The following CHL1 variants were observed in gnomAD, a reference collection of about 807,000 sequenced individuals.
The protein encoded by CHL1 is cell adhesion molecule L1 like, also known as neural cell adhesion molecule L1-like protein.
CHL1 carries 96 observed loss-of-function variants against 141.9 expected under a neutral mutation model. The ratio of observed to expected loss-of-function variants is 0.68; its 90% CI spans 0.57 to 0.80. CHL1 has a LOEUF of 0.80. Among genes scored for constraint, CHL1 ranks in the 30% least tolerant of loss-of-function variants. The probability of loss-of-function intolerance (pLI) is 0.00; values close to 1 mark genes in which losing one functional copy is unlikely to be tolerated. For missense variants in CHL1, 1,820 were observed against 1,457.2 expected (o/e 1.25, Z -4.05); for synonymous variants, 613 against 502.2 (o/e 1.22, Z -2.95).
intron 15 of CHL1, among the ~76,000 whole-genome samples, chr3:368,495 C>T (rs1406928227): frequency 2.0e-5 from 3 of 152,054 alleles, no homozygotes; most frequent in Admixed American, 6.5e-5. Context: ...GAATATTAGA[C>T]CTTTGTCAGA....
chr3:365,465 C>G (rs1268895309), intron 14 of CHL1, among the ~76,000 whole-genome samples: 4 of 152,208 alleles, frequency 2.6e-5, no homozygotes, highest in Non-Finnish European at 2.9e-5. Context: ...ACAGGCCCTA[C>G]TTCCCTGAGG....
chr3:388,177 A>G (rs897684164), intron 19 of CHL1, among the ~76,000 whole-genome samples: 1 of 152,272 alleles, frequency 6.6e-6, no homozygotes, highest in East Asian at 1.9e-4. Context: ...GGCAGTTTAA[A>G]CCACATTATT....
At chr3:220,311 C>T (rs1021769539) in intron 1 of CHL1, among the ~76,000 whole-genome samples, 1 of 152,074 alleles carries the variant, frequency 6.6e-6, no homozygotes, top group Non-Finnish European at 1.5e-5. Context: ...TGATTTTAAA[C>T]ATTACAGTGA....
chr3:287,519 C>A (rs760189402), intron 2 of CHL1, among the ~76,000 whole-genome samples: 1 of 152,154 alleles, frequency 6.6e-6, no homozygotes, highest in Non-Finnish European at 1.5e-5. Context: ...GATTGAGATA[C>A]CTCCTTATAA....
intron 10 of CHL1, among the ~76,000 whole-genome samples, chr3:353,130 T>G (rs1356733635): frequency 6.6e-6 from 1 of 152,186 alleles, no homozygotes; most frequent in Non-Finnish European, 1.5e-5. Context: ...AATACTAATA[T>G]TACTAATAGT....
chr3:225,889 G>C (rs913326988), intron 1 of CHL1, among the ~76,000 whole-genome samples: 1 of 151,686 alleles, frequency 6.6e-6, no homozygotes, highest in East Asian at 2.0e-4. Context: ...GGCACCTGTA[G>C]TCCCAGCTAC....
chr3:293,240 G>A (rs1441764494), intron 2 of CHL1, among the ~76,000 whole-genome samples: 1 of 152,176 alleles, frequency 6.6e-6, no homozygotes, highest in Non-Finnish European at 1.5e-5. Flanking sequence ...AGCGGCTCAT[G>A]CTTGTAATCC....
intron 2 of CHL1, among the ~76,000 whole-genome samples, chr3:316,059 C>T (rs1473804392): frequency 6.6e-6 from 1 of 151,950 alleles, no homozygotes; most frequent in Admixed American, 6.6e-5. Flanking sequence ...GCAGAAAAGG[C>T]TTGCCACCCT....
chr3:370,792 T>C (rs1238290874), intron 15 of CHL1, among the ~76,000 whole-genome samples: 1 of 152,222 alleles, frequency 6.6e-6, no homozygotes, highest in Non-Finnish European at 1.5e-5. Context: ...TCCCACAGAC[T>C]CTGATACATT....
intron 2 of CHL1, among the ~76,000 whole-genome samples, chr3:311,421 G>A (rs1699741701): frequency 6.6e-6 from 1 of 151,528 alleles, no homozygotes; most frequent in African/African-American, 2.4e-5. Flanking sequence ...TCACAGTGAG[G>A]GTTTGCACTT....
rs11424648 is a variant in CHL1 at position 205,104 on chromosome 3, C to CTTT, written c.-175+8054_-175+8056dup. 5.3e-4 allele frequency among the ~76,000 whole-genome samples: 69 copies of CTTT among 129,096 alleles called. 1 individual carries two copies. The highest frequency in any genetic ancestry group is 1.5e-3 in the African/African-American group (54 of 35,038). 84.7% of individuals were successfully genotyped at this position (129,096 alleles called of 152,430 possible). On this transcript the variant is annotated intron_variant, in intron 1 of 27. Transcript: ENST00000256509. ...CTTTTTCCTTTTTCTTTCTTTCTTT[C>CTTT]TTTTTTTTTTTTTTTGGAGATAGGG...
intron 5 of CHL1, among the ~76,000 whole-genome samples, chr3:335,558 C>A (rs148089065): frequency 1.1e-3 from 174 of 152,252 alleles, no homozygotes; most frequent in African/African-American, 3.9e-3. Flanking sequence ...ATTCGCCAAG[C>A]ATATTTAAGT....
intron 2 of CHL1, among the ~76,000 whole-genome samples, chr3:303,086 G>A (rs1371087255): frequency 6.6e-6 from 1 of 152,082 alleles, no homozygotes; most frequent in Non-Finnish European, 1.5e-5. Context: ...CCTCCATTCT[G>A]TTCCACTGGT....
intron 15 of CHL1, among the ~76,000 whole-genome samples, chr3:369,574 A>G (rs1705360073): frequency 3.3e-5 from 5 of 152,146 alleles, no homozygotes; most frequent in Admixed American, 2.6e-4. Context: ...CTCTTCCTAT[A>G]TGAATACCCT....
At chr3:290,822 G>C (rs1384923215) in intron 2 of CHL1, among the ~76,000 whole-genome samples, 3 of 151,730 alleles carry the variant, frequency 2.0e-5, no homozygotes, top group Non-Finnish European at 4.4e-5. Context: ...TGTAATCCCA[G>C]CTACTTGGGA....
At chr3:325,721 A>C (rs1237802337) in intron 3 of CHL1, among the ~76,000 whole-genome samples, 3 of 152,022 alleles carry the variant, frequency 2.0e-5, no homozygotes, top group Admixed American at 1.3e-4. Context: ...AAAATCATTA[A>C]ATTATTCTGG....
intron 2 of CHL1, among the ~76,000 whole-genome samples, chr3:254,573 C>T (rs189427216): frequency 2.0e-5 from 3 of 152,202 alleles, no homozygotes; most frequent in Admixed American, 6.5e-5. Context: ...TTATAAGCCA[C>T]GTATCTTGGT....
At chr3:206,472 A>G (rs1699459781) in intron 1 of CHL1, among the ~76,000 whole-genome samples, 2 of 151,984 alleles carry the variant, frequency 1.3e-5, no homozygotes, top group Admixed American at 1.3e-4. Flanking sequence ...TTAAAAAAAA[A>G]TCTTAATGCA....
At position 310,707 on chromosome 3, in the gene CHL1, G is replaced by T. The variant is rs1444001862; in HGVS notation, c.-94-8976G>T. Among the ~76,000 whole-genome samples the T allele has an allele frequency of 2.6e-5, 4 of 152,268 alleles. No homozygotes were observed. The East Asian group carries it at 7.7e-4, about 29-fold the overall frequency. ...TCAACACCACCAGCAGTGTGCATTT[G>T]TTACAACTGATGAACCTACATTGAC... On this transcript the variant is annotated intron_variant, in intron 2 of 27. Coordinates refer to ENST00000256509, the MANE Select transcript of CHL1 (RefSeq NM_006614.4).
Sources: allele counts gnomAD v4.1 joint callset (sites outside exome capture counted in the v4.1 genomes callset), GRCh38; gene constraint gnomAD v4.1.1; transcripts MANE v1.5; gene names NCBI Gene and HGNC (gene_info 2026-07-23, HGNC 2026-07-21).